Variants in GSDMB observed in about 807,000 individuals in gnomAD.
The protein encoded by GSDMB is gasdermin B, also known as gasdermin-B.
GSDMB carries 32 observed loss-of-function variants against 42.9 expected under a neutral mutation model. That is an observed-to-expected ratio of 0.75 (90% CI 0.56 to 1.00). The LOEUF (loss-of-function observed/expected upper bound fraction) is 1.00. Ranked by LOEUF, GSDMB falls within the 50% of genes least tolerant of loss-of-function variation. The pLI is 0.00. For synonymous variants in GSDMB, 175 were observed against 193.7 expected (o/e 0.90, Z 0.80); for missense variants, 468 against 498.5 (o/e 0.94, Z 0.58).
rs2063515766 is a variant in GSDMB at position 39,906,972 on chromosome 17, GA to G, written c.715del (p.Ser239HisfsTer4). 6.2e-7 allele frequency: 1 copy of G among 1,613,948 alleles called. No individual in the cohort carries two copies. The highest frequency in any genetic ancestry group is 8.5e-7 in the Non-Finnish European group (1 of 1,179,978). On this transcript the variant is annotated frameshift_variant, in exon 7 of 11. Transcript: ENST00000418519. LOFTEE classifies it high-confidence loss of function. ...KSFPEEKDGA[S>X]SCLGKSLGSE... ...GCTATCACCCTTACCTAAACAGGAT[GA>G]AGCACCATCCTTCTCTGCAGAGAGA...
chr17:39,904,718 T>C lies in GSDMB; in HGVS notation c.*94A>G. ...TGGTTGGCTGCTTGTTTTAAAGAGG[T>C]CCCACTGGTGACAGGATGGTAGTGG... On this transcript the variant is annotated 3_prime_UTR_variant, in exon 11 of 11. Coordinates refer to ENST00000418519, the MANE Select transcript of GSDMB (RefSeq NM_001165958.2). 1 of 1,008,734 alleles carries C rather than the reference T, an allele frequency of 9.9e-7. No homozygotes were observed. The highest frequency in any genetic ancestry group is 1.5e-6 in the Non-Finnish European group (1 of 666,518). 62.5% of individuals were successfully genotyped at this position (1,008,734 alleles called of 1,614,324 possible).
At chr17:39,910,105 G>A (rs753431149) in intron 3 of GSDMB, among the ~76,000 whole-genome samples, 181 bp from the exon 4 acceptor site, 12 of 152,052 alleles carry the variant, frequency 7.9e-5, no homozygotes, top group Non-Finnish European at 1.6e-4. Context: ...GTAGGGGTGG[G>A]GTACAAAGTA....
At chr17:39,912,199 G>T in intron 3 of GSDMB, 127 bp downstream of exon 3, 1 of 670,048 alleles carries the variant, frequency 1.5e-6, no homozygotes. Flanking sequence ...CAAAGCTCAT[G>T]AAAAGCAGGG....
intron 3 of GSDMB, among the ~76,000 whole-genome samples, chr17:39,910,896 G>A (rs931437093): frequency 6.6e-6 from 1 of 152,058 alleles, no homozygotes; most frequent in South Asian, 2.1e-4. Context: ...AGAAAACACC[G>A]AGCTCTCTTA....
Position 39,908,170 on chromosome 17 carries a change from A to G in GSDMB, c.700+6T>C. ...TGACGAACGGGAAGCCCAGCAGCTC[A>G]CTCACCTTCTGGAAAGGATTTTGTT... On this transcript the variant is annotated splice_donor_region_variant and intron_variant, in intron 6 of 10. Coordinates refer to ENST00000418519, the MANE Select transcript of GSDMB (RefSeq NM_001165958.2). 1 of 1,474,008 alleles carries G rather than the reference A, an allele frequency of 6.8e-7. No individual in the cohort carries two copies. Among genetic ancestry groups the G allele is most frequent in the Non-Finnish European group, 9.3e-7 (1 of 1,075,028 alleles). The allele number at this position is 1,474,008 out of a possible 1,614,324, so 91.3% of individuals were successfully genotyped here.
chr17:39,908,832 C>A, intron 5 of GSDMB, 126 bp downstream of exon 5: 2 of 708,068 alleles, frequency 2.8e-6, no homozygotes, highest in Non-Finnish European at 5.0e-6. Flanking sequence ...TTTCCCTGGA[C>A]CCCTCCCCAA....
chr17:39,908,837 C>T (rs2144684151), intron 5 of GSDMB, 121 bp downstream of exon 5: 1 of 719,890 alleles, frequency 1.4e-6, no homozygotes, highest in East Asian at 2.7e-5. Context: ...CTGGACCCCT[C>T]CCCAACCTCC....
intron 4 of GSDMB, chr17:39,909,463 G>A (rs542235057): frequency 3.5e-5 from 14 of 402,120 alleles, no homozygotes; most frequent in Admixed American, 7.9e-5. Flanking sequence ...TTGGGAGGCC[G>A]AGGTGGGTGG....
intron 9 of GSDMB, 35 bp from the exon 10 acceptor site, chr17:39,905,531 T>G (rs753345024): frequency 6.5e-7 from 1 of 1,533,830 alleles, no homozygotes; most frequent in Admixed American, 1.8e-5. Flanking sequence ...AAAGGAGAGA[T>G]ATATGGTGGG....
rs148665709 is a variant in GSDMB, at chr17:39,913,791, G to A, written c.236-1294C>T. The stretch of plus-strand genomic sequence containing the variant: ...TTCGTGGAGGATGTGTGGGCATGCC[G>A]AAGGGGCTGCGTGCCTTTGTCTCCA... On this transcript the variant is annotated intron_variant, in intron 2 of 10. Coordinates refer to ENST00000418519, the MANE Select transcript of GSDMB (RefSeq NM_001165958.2). Among the ~76,000 whole-genome samples, 892 of 152,266 alleles carry A rather than the reference G, an allele frequency of 5.9e-3. 12 individuals are homozygous for A. Among genetic ancestry groups the A allele is most frequent in the Non-Finnish European group, 6.1e-3 (416 of 68,026 alleles).
chr17:39,913,220 C>T lies in GSDMB; in HGVS notation c.236-723G>A, dbSNP rs189824020. On this transcript the variant is annotated intron_variant, in intron 2 of 10. Transcript: ENST00000418519. ...AGCACTTAACCAAGTGCCTGGCATA[C>T]ATTCTAACTGCTTAATAATTGTAAG... Among the ~76,000 whole-genome samples, 67 of 152,314 alleles carry T rather than the reference C, an allele frequency of 4.4e-4. 1 individual carries two copies. The East Asian group carries it at 0.011, about 26-fold the overall frequency.
intron 7 of GSDMB, chr17:39,906,501 A>C: frequency 1.6e-6 from 2 of 1,278,620 alleles, no homozygotes; most frequent in Non-Finnish European, 2.0e-6. Context: ...GTCTAGTCCC[A>C]ACCCCAAATT....
At chr17:39,908,809 C>A in intron 5 of GSDMB, 149 bp downstream of exon 5, 1 of 667,316 alleles carries the variant, frequency 1.5e-6, no homozygotes. Flanking sequence ...CTTCCTAGTG[C>A]TGAACCCACC....
chr17:39,913,648 A>G (rs1013161740), intron 2 of GSDMB, among the ~76,000 whole-genome samples: 1 of 152,228 alleles, frequency 6.6e-6, no homozygotes, highest in Non-Finnish European at 1.5e-5. Flanking sequence ...TGTTGTTTGT[A>G]TGAACCACAC....
In GSDMB at chr17:39,917,055, GCCACCTGTCAT is replaced by G. The variant is rs778311192; in HGVS notation, c.235+16_235+26del. 4.7e-6 allele frequency: 7 copies of G among 1,494,148 alleles called. No individual in the cohort carries two copies. Among genetic ancestry groups the G allele is most frequent in the East Asian group, 4.5e-5 (2 of 44,184 alleles). 92.6% of individuals were successfully genotyped at this position (1,494,148 alleles called of 1,614,324 possible). ...ACAAACGGTCAAGGCCTCCTGGCTG[GCCACCTGTCAT>G]CTACCTTATACTGACCTTGGAGCCC... On this transcript the variant is annotated intron_variant, in intron 2 of 10. Transcript: ENST00000418519.
At position 39,911,400 on chromosome 17, in the gene GSDMB, G is replaced by A. The variant is rs184793805; in HGVS notation, c.407+926C>T. ...GAGAGCAAGGCCAGGAAAACTGTGGGTCACCTTCCCCTGAGCTACTCCTCA... is the reference window on the plus strand; with the variant it reads ...GAGAGCAAGGCCAGGAAAACTGTGGATCACCTTCCCCTGAGCTACTCCTCA... On this transcript the variant is annotated intron_variant, in intron 3 of 10. Transcript: ENST00000418519. Among the ~76,000 whole-genome samples, 569 of 151,796 alleles carry A rather than the reference G, an allele frequency of 3.7e-3. 3 individuals carry two copies. Among genetic ancestry groups the A allele is most frequent in the Non-Finnish European group, 5.4e-3 (364 of 67,958 alleles).
intron 4 of GSDMB, chr17:39,909,356 A>T: frequency 2.5e-6 from 1 of 395,432 alleles, no homozygotes; most frequent in Non-Finnish European, 4.5e-6. Context: ...GACAGACAAT[A>T]AACAAGCAAA....
intron 6 of GSDMB, chr17:39,907,247 T>C: frequency 1.5e-6 from 2 of 1,292,660 alleles, no homozygotes; most frequent in African/African-American, 1.5e-5. Flanking sequence ...GGGGGCAGCA[T>C]ACACTCAGTC....
chr17:39,911,332 A>AAAAAAAAAAAAG (rs2063604123), intron 3 of GSDMB, among the ~76,000 whole-genome samples: 2 of 151,602 alleles, frequency 1.3e-5, no homozygotes, highest in African/African-American at 4.8e-5. Flanking sequence ...TCAAAAAAAA[A>AAAAAAAAAAAAG]AAAAGGAAAA....
Sources: allele counts gnomAD v4.1 joint callset (sites outside exome capture counted in the v4.1 genomes callset), GRCh38; gene constraint gnomAD v4.1.1; transcripts MANE v1.5; gene names NCBI Gene and HGNC (gene_info 2026-07-23, HGNC 2026-07-21).